The following TLE4 variants were observed in gnomAD, a reference collection of about 807,000 sequenced individuals.
TLE4 encodes TLE family member 4, transcriptional corepressor, also known as transducin-like enhancer protein 4.
In TLE4, 8 loss-of-function variants were observed where a neutral mutation model predicts 92.8. That is an observed-to-expected ratio of 0.09 (90% confidence interval 0.05 to 0.16). The LOEUF (loss-of-function observed/expected upper bound fraction) is 0.16, where lower values mean the gene tolerates loss of function less well. TLE4 is among the 10% of genes least tolerant of loss of function. The probability of loss-of-function intolerance (pLI) is 1.00; values close to 1 mark genes in which losing one functional copy is unlikely to be tolerated. For synonymous variants in TLE4, 371 were observed against 374.1 expected (o/e 0.99, Z 0.10); for missense variants, 675 against 997.6 (o/e 0.68, Z 4.36).
intron 5 of TLE4, among the ~76,000 whole-genome samples, chr9:79,625,732 G>A (rs1214835930): frequency 6.6e-6 from 1 of 151,934 alleles, no homozygotes; most frequent in Non-Finnish European, 1.5e-5. Flanking sequence ...CCATTTTATT[G>A]ACTGTGCCCT....
intron 8 of TLE4, among the ~76,000 whole-genome samples, chr9:79,667,664 A>G (rs1306974309): frequency 1.3e-5 from 2 of 152,256 alleles, no homozygotes; most frequent in East Asian, 3.9e-4. Context: ...TTGTGAAAGG[A>G]AGGTGGGGAG....
At chr9:79,646,530 A>G (rs1249116930) in intron 6 of TLE4, among the ~76,000 whole-genome samples, 4 of 152,216 alleles carry the variant, frequency 2.6e-5, no homozygotes, top group Non-Finnish European at 5.9e-5. Context: ...AAAAAGGTGA[A>G]GTTCTACTTA....
chr9:79,678,605 T>C lies in TLE4; in HGVS notation c.609+24530T>C, dbSNP rs960319177. Among the ~76,000 whole-genome samples, 6 of 131,094 alleles carry C rather than the reference T, an allele frequency of 4.6e-5. No individual in the cohort carries two copies. In the South Asian group the frequency reaches 1.2e-3, roughly 26 times the overall value. The allele number at this position is 131,094 out of a possible 152,430, so 86.0% of individuals were successfully genotyped here. On this transcript the variant is annotated intron_variant, in intron 8 of 19. Transcript: ENST00000376552. Reference sequence around the variant, plus strand: ...GGCACTCTAGTTTAAGGAAGTACTTTATTATTGTTTTTCTTTTTTTTTTAT... The same window carrying C: ...GGCACTCTAGTTTAAGGAAGTACTTCATTATTGTTTTTCTTTTTTTTTTAT...
intron 8 of TLE4, among the ~76,000 whole-genome samples, chr9:79,701,889 G>A (rs939346935): frequency 5.9e-5 from 9 of 152,350 alleles, no homozygotes; most frequent in African/African-American, 2.2e-4. Flanking sequence ...AAAGTGGGAA[G>A]TGGCCTTGTA....
intron 8 of TLE4, among the ~76,000 whole-genome samples, chr9:79,663,954 A>G (rs2060968327): frequency 6.6e-6 from 1 of 152,214 alleles, no homozygotes; most frequent in African/African-American, 2.4e-5. Context: ...TCATAAAGCC[A>G]ATAAAGCGCG....
At chr9:79,641,246 C>G (rs1448025650) in intron 6 of TLE4, among the ~76,000 whole-genome samples, 1 of 151,206 alleles carries the variant, frequency 6.6e-6, no homozygotes, top group African/African-American at 2.4e-5. Context: ...TGAAAAACAT[C>G]TGTTCATCAA....
chr9:79,624,667 A>T (rs2052016416), intron 5 of TLE4, among the ~76,000 whole-genome samples: 2 of 152,154 alleles, frequency 1.3e-5, no homozygotes. Context: ...GAAAAAATGC[A>T]CTTGATTTTA....
rs367554834 is a variant in TLE4 at position 79,632,303 on chromosome 9, C to T, written c.390+4855C>T. 4.6e-5 allele frequency among the ~76,000 whole-genome samples: 7 copies of T among 152,324 alleles called. No individual in the cohort carries two copies. The East Asian group carries it at 9.7e-4, about 21-fold the overall frequency. ...GTAAGATGCCTTCTATGCTACTCCA[C>T]AAAAGGTTCCAGTAGGATGGAGCTT... On this transcript the variant is annotated intron_variant, in intron 6 of 19. Transcript: ENST00000376552.
chr9:79,666,213 T>TG (rs1384387172), intron 8 of TLE4, among the ~76,000 whole-genome samples: 1 of 47,154 alleles, frequency 2.1e-5, no homozygotes, highest in Non-Finnish European at 6.0e-5. Context: ...GGTTTTTTTT[T>TG]TTTGTTTTTT....
At chr9:79,660,275 A>C (rs2060340877) in intron 8 of TLE4, among the ~76,000 whole-genome samples, 1 of 152,236 alleles carries the variant, frequency 6.6e-6, no homozygotes, top group Admixed American at 6.5e-5. Flanking sequence ...AGTATTTGGA[A>C]TGTAGCTATT....
chr9:79,592,347 C>T (rs2042923779), intron 4 of TLE4, among the ~76,000 whole-genome samples: 1 of 148,930 alleles, frequency 6.7e-6, no homozygotes, highest in African/African-American at 2.5e-5. Flanking sequence ...GTGATCATGG[C>T]TCACTGCAGC....
chr9:79,628,265 T>C (rs2053196439), intron 6 of TLE4, among the ~76,000 whole-genome samples: 1 of 152,174 alleles, frequency 6.6e-6, no homozygotes, highest in African/African-American at 2.4e-5. Context: ...TTCCTCTTTC[T>C]GTCCCCTCCC....
intron 6 of TLE4, among the ~76,000 whole-genome samples, chr9:79,631,999 ATTC>A (rs1194140429): frequency 6.6e-6 from 1 of 152,144 alleles, no homozygotes. Flanking sequence ...TTACAAAAGT[ATTC>A]TTCCTGGGCC....
intron 8 of TLE4, among the ~76,000 whole-genome samples, chr9:79,680,712 A>G (rs1202020378): frequency 2.0e-5 from 3 of 152,190 alleles, no homozygotes; most frequent in African/African-American, 7.2e-5. Context: ...GCCAGTTTTC[A>G]AAGGGAATGC....
intron 4 of TLE4, among the ~76,000 whole-genome samples, chr9:79,595,064 T>C (rs1051893184): frequency 6.6e-6 from 1 of 152,210 alleles, no homozygotes; most frequent in Admixed American, 6.5e-5. Flanking sequence ...TGAATGGTAG[T>C]GTCTGGAGAG....
chr9:79,587,901 A>G (rs1207555710), intron 4 of TLE4, among the ~76,000 whole-genome samples: 4 of 152,112 alleles, frequency 2.6e-5, no homozygotes, highest in Non-Finnish European at 5.9e-5. Context: ...CAGATGTATT[A>G]ATTTGTTTAA....
At chr9:79,703,373 G>C (rs2070515240) in intron 8 of TLE4, among the ~76,000 whole-genome samples, 2 of 152,144 alleles carry the variant, frequency 1.3e-5, no homozygotes, top group African/African-American at 4.8e-5. Flanking sequence ...CCTCAGTCCA[G>C]CTCCCGCTCT....
At chr9:79,585,777 CTTTATTT>C (rs2040907951) in intron 4 of TLE4, among the ~76,000 whole-genome samples, 1 of 151,712 alleles carries the variant, frequency 6.6e-6, no homozygotes, top group African/African-American at 2.4e-5. Context: ...ACTATTAATA[CTTTATTT>C]TTTATAAGGT....
intron 4 of TLE4, among the ~76,000 whole-genome samples, chr9:79,586,522 G>C (rs1038636521): frequency 6.6e-6 from 1 of 152,174 alleles, no homozygotes; most frequent in South Asian, 2.1e-4. Context: ...ATCTAAGGTA[G>C]GTGTCAGTTT....
Sources: allele counts gnomAD v4.1 joint callset (sites outside exome capture counted in the v4.1 genomes callset), GRCh38; gene constraint gnomAD v4.1.1; transcripts MANE v1.5; gene names NCBI Gene and HGNC (gene_info 2026-07-23, HGNC 2026-07-21).